The following PACRG variants were observed in gnomAD, a reference collection of about 807,000 sequenced individuals.
The protein encoded by PACRG is parkin coregulated, also known as parkin coregulated gene protein.
A neutral mutation model predicts 29.7 loss-of-function variants in PACRG; 29 were observed. That is an observed-to-expected ratio of 0.98 (90% CI 0.73 to 1.33). The LOEUF (loss-of-function observed/expected upper bound fraction) is 1.33, where lower values mean the gene tolerates loss of function less well. Ranked by LOEUF, PACRG falls within the 40% of genes most tolerant of loss-of-function variation. The pLI, the probability that PACRG is intolerant of heterozygous loss-of-function variation, is 0.00. For missense variants in PACRG, 279 were observed against 316.2 expected (o/e 0.88, Z 0.89); for synonymous variants, 116 against 118.7 (o/e 0.98, Z 0.15).
intron 4 of PACRG, chr6:163,191,851 G>A (rs1171705224): frequency 4.6e-6 from 2 of 435,374 alleles, no homozygotes; most frequent in African/African-American, 2.0e-5. Context: ...CCCTCCCAAT[G>A]AAAGCCACAC....
chr6:162,892,576 A>T (rs1179802673), intron 2 of PACRG, among the ~76,000 whole-genome samples: 1 of 152,060 alleles, frequency 6.6e-6, no homozygotes, highest in East Asian at 1.9e-4. Flanking sequence ...AGCGCGTTCT[A>T]GTCTAATTCT....
intron 2 of PACRG, among the ~76,000 whole-genome samples, chr6:162,983,795 T>A (rs1383432832): frequency 6.6e-6 from 1 of 152,074 alleles, no homozygotes; most frequent in Non-Finnish European, 1.5e-5. Context: ...AGGTGACAAC[T>A]TTTTTGTGAC....
In PACRG at chr6:163,273,628, G is replaced by A. The variant is rs150576932; in HGVS notation, c.614-41199G>A. On this transcript the variant is annotated intron_variant, in intron 4 of 4. Transcript: ENST00000366888. ...TATTTGCACAGTTAAACAAACTTAT[G>A]TCCTGTGTTTCTTTTAATTCTCTTA... 8.5e-5 allele frequency among the ~76,000 whole-genome samples: 13 copies of A among 152,116 alleles called. No homozygotes were observed. In the East Asian group the frequency reaches 1.5e-3, roughly 18 times the overall value.
chr6:162,913,952 T>C (rs923877659), intron 2 of PACRG, among the ~76,000 whole-genome samples: 4 of 149,842 alleles, frequency 2.7e-5, no homozygotes, highest in Admixed American at 1.3e-4. Context: ...GTTGTAAGCA[T>C]TCTTTATATA....
chr6:163,000,455 G>T (rs1260529577), intron 2 of PACRG, among the ~76,000 whole-genome samples: 1 of 152,098 alleles, frequency 6.6e-6, no homozygotes, highest in African/African-American at 2.4e-5. Flanking sequence ...GTCCTGTGTG[G>T]TCCAAAGGGG....
chr6:162,888,976 C>G (rs551424288), intron 2 of PACRG, among the ~76,000 whole-genome samples: 105 of 152,274 alleles, frequency 6.9e-4, no homozygotes, highest in Middle Eastern at 3.4e-3. Flanking sequence ...AGATTTGGAA[C>G]TCTGTGATTA....
chr6:163,259,876 G>A (rs1388997075), intron 4 of PACRG, among the ~76,000 whole-genome samples: 3 of 152,204 alleles, frequency 2.0e-5, no homozygotes, highest in Non-Finnish European at 4.4e-5. Flanking sequence ...GCTGAGGGAT[G>A]AGGGGCGGGC....
intron 4 of PACRG, among the ~76,000 whole-genome samples, chr6:163,201,129 C>T (rs761891062): frequency 6.8e-6 from 1 of 148,090 alleles, no homozygotes; most frequent in African/African-American, 2.5e-5. Flanking sequence ...GGAAAGCTAA[C>T]GAGACGGAAA....
intron 4 of PACRG, among the ~76,000 whole-genome samples, chr6:163,118,153 G>A (rs896854773): frequency 1.3e-5 from 2 of 152,244 alleles, no homozygotes; most frequent in African/African-American, 4.8e-5. Context: ...TGACTGCCAA[G>A]GTGTTTATAC....
At chr6:163,143,660 A>G (rs1777647649) in intron 4 of PACRG, among the ~76,000 whole-genome samples, 1 of 152,148 alleles carries the variant, frequency 6.6e-6, no homozygotes. Context: ...TTTTTTTGAT[A>G]TTGAACTAAA....
At chr6:162,858,613 G>A (rs1274297822) in intron 2 of PACRG, among the ~76,000 whole-genome samples, 2 of 152,298 alleles carry the variant, frequency 1.3e-5, no homozygotes, top group South Asian at 4.1e-4. Flanking sequence ...TGACATGGGA[G>A]CCTTCAGAAA....
At chr6:163,133,717 A>G (rs66502444) in intron 4 of PACRG, among the ~76,000 whole-genome samples, 2 of 152,142 alleles carry the variant, frequency 1.3e-5, no homozygotes, top group Non-Finnish European at 2.9e-5. Context: ...ATTCAAAAGC[A>G]GGAAAGCAAT....
chr6:162,835,720 T>C (rs1267727031), intron 2 of PACRG, among the ~76,000 whole-genome samples: 1 of 152,160 alleles, frequency 6.6e-6, no homozygotes, highest in East Asian at 1.9e-4. Context: ...ATGTGCTTTT[T>C]AATTACCTGC....
chr6:163,213,492 G>C (rs1669778909), intron 4 of PACRG, among the ~76,000 whole-genome samples: 1 of 152,196 alleles, frequency 6.6e-6, no homozygotes, highest in African/African-American at 2.4e-5. Context: ...TTGCATTTCA[G>C]TGCTTGTGTT....
intron 4 of PACRG, among the ~76,000 whole-genome samples, chr6:163,150,919 G>A (rs962373962): frequency 1.6e-4 from 25 of 152,148 alleles, no homozygotes; most frequent in African/African-American, 6.0e-4. Flanking sequence ...TTATTGGTTT[G>A]GGGTGTTTGC....
intron 2 of PACRG, among the ~76,000 whole-genome samples, chr6:162,940,615 T>C (rs775032926): frequency 6.6e-6 from 1 of 152,204 alleles, no homozygotes; most frequent in Non-Finnish European, 1.5e-5. Context: ...TTCACAAGAC[T>C]TGAAAGTCCC....
At chr6:163,176,749 G>A (rs1207304798) in intron 4 of PACRG, among the ~76,000 whole-genome samples, 1 of 152,208 alleles carries the variant, frequency 6.6e-6, no homozygotes, top group Non-Finnish European at 1.5e-5. Flanking sequence ...CAGACACTGG[G>A]CAGGTGGAAG....
chr6:162,829,019 G>A (rs1429775685), intron 2 of PACRG, among the ~76,000 whole-genome samples: 1 of 152,152 alleles, frequency 6.6e-6, no homozygotes, highest in Non-Finnish European at 1.5e-5. Flanking sequence ...GTGAGTTTAT[G>A]CAAATATATA....
Position 163,028,734 on chromosome 6 carries a change from G to T in PACRG, c.292-33416G>T, listed in dbSNP as rs1807377794. On this transcript the variant is annotated intron_variant, in intron 2 of 4. Transcript: ENST00000366888. ...AAACTCTAAATCTTATCAGGACTGT[G>T]TGCAGGCTAATCTCAATGATCTCAA... Among the ~76,000 whole-genome samples, 2 of 152,206 alleles carry T rather than the reference G, an allele frequency of 1.3e-5. 1 individual carries two copies. Among genetic ancestry groups the T allele is most frequent in the South Asian group, 4.1e-4 (2 of 4,832 alleles).
Sources: gnomAD v4.1 joint callset for allele counts (sites outside exome capture counted in the v4.1 genomes callset) on GRCh38, gnomAD v4.1.1 for gene constraint, MANE v1.5 for transcripts, NCBI Gene and HGNC (gene_info 2026-07-23, HGNC 2026-07-21) for gene names.